The following ACVR1C variants were observed in gnomAD, a reference collection of about 807,000 sequenced individuals.
ACVR1C encodes activin receptor type-1C.
Under a neutral mutation model 57.9 loss-of-function variants are expected in ACVR1C, and 23 were observed. The observed-to-expected ratio is 0.40, with a 90% CI of 0.29 to 0.56. The LOEUF (loss-of-function observed/expected upper bound fraction) is 0.56, where lower values mean the gene tolerates loss of function less well. Among genes scored for constraint, ACVR1C ranks in the 20% least tolerant of loss-of-function variants. The pLI, the probability that ACVR1C is intolerant of heterozygous loss-of-function variation, is 0.50. For synonymous variants in ACVR1C, 214 were observed against 215.3 expected, an observed-to-expected ratio of 0.99 and a Z score of 0.05; for missense variants, 480 against 607.9, an observed-to-expected ratio of 0.79 and a Z score of 2.21.
At chr2:157,594,896 C>A (rs1298700707) in intron 1 of ACVR1C, among the ~76,000 whole-genome samples, 1 of 152,180 alleles carries the variant, frequency 6.6e-6, no homozygotes, top group African/African-American at 2.4e-5. Flanking sequence ...TTACTTACTG[C>A]CTCAAAATTT....
At chr2:157,604,937 C>G (rs1437191382) in intron 1 of ACVR1C, among the ~76,000 whole-genome samples, 3 of 151,784 alleles carry the variant, frequency 2.0e-5, no homozygotes, top group Non-Finnish European at 4.4e-5. Context: ...TTTTACAGAT[C>G]ATGCTTTTAG....
intron 1 of ACVR1C, among the ~76,000 whole-genome samples, chr2:157,601,805 C>A (rs1273893030): frequency 6.6e-6 from 1 of 152,044 alleles, no homozygotes; most frequent in East Asian, 1.9e-4. Flanking sequence ...TCTGTCCATG[C>A]ACTGATGAAG....
intron 8 of ACVR1C, among the ~76,000 whole-genome samples, chr2:157,535,013 C>T (rs1337095065): frequency 6.6e-6 from 1 of 151,958 alleles, no homozygotes; most frequent in Non-Finnish European, 1.5e-5. Flanking sequence ...AAAAACTTAG[C>T]CAGGCATGGT....
chr2:157,588,184 T>C (rs1688972201), intron 1 of ACVR1C, among the ~76,000 whole-genome samples: 1 of 151,564 alleles, frequency 6.6e-6, no homozygotes, highest in Non-Finnish European at 1.5e-5. Context: ...AAATTACACT[T>C]TGTTAAACTA....
In ACVR1C at chr2:157,527,235, A is replaced by G. The variant is rs951719305; in HGVS notation, c.*6683T>C. ...CATCTACATATTTTTGATACAGTTT[A>G]TTGCCCAATTCCTATTTTAAAACCT... On this transcript the variant is annotated 3_prime_UTR_variant, in exon 9 of 9. Transcript: ENST00000243349. 6.6e-6 allele frequency: 1 copy of G among 152,164 alleles called. No homozygotes were observed. Among genetic ancestry groups the G allele is most frequent in the Non-Finnish European group, 1.5e-5 (1 of 68,008 alleles). The allele number at this position is 152,164 out of a possible 1,614,324, so 9.4% of individuals were successfully genotyped here. A position where few individuals can be genotyped will look rare whatever the true frequency, so the allele number is the denominator to read the frequency against.
chr2:157,576,895 C>T (rs543550960), intron 2 of ACVR1C, among the ~76,000 whole-genome samples: 651 of 39,332 alleles, frequency 0.017, 162 homozygotes, highest in African/African-American at 0.078. Context: ...TCGCCCAGGC[C>T]GGACTGCGGA....
chr2:157,544,730 G>A, intron 4 of ACVR1C, 118 bp from the exon 5 acceptor site: 1 of 794,542 alleles, frequency 1.3e-6, no homozygotes, highest in South Asian at 2.2e-5. Flanking sequence ...TTGCTTCAGT[G>A]GTAATGCTTA....
intron 1 of ACVR1C, among the ~76,000 whole-genome samples, chr2:157,627,350 C>G (rs918263442): frequency 1.3e-5 from 2 of 152,198 alleles, no homozygotes; most frequent in African/African-American, 4.8e-5. Context: ...AAATATTTCA[C>G]TTTATCCCAT....
At chr2:157,602,717 T>C (rs1371536133) in intron 1 of ACVR1C, among the ~76,000 whole-genome samples, 2 of 152,142 alleles carry the variant, frequency 1.3e-5, no homozygotes, top group Non-Finnish European at 2.9e-5. Context: ...ATATGAAAAG[T>C]AAAATAATTA....
chr2:157,605,393 T>A (rs1396334510), intron 1 of ACVR1C, among the ~76,000 whole-genome samples: 4 of 151,748 alleles, frequency 2.6e-5, no homozygotes, highest in Non-Finnish European at 5.9e-5. Context: ...CCCTATAAAT[T>A]TTAGAATCAC....
intron 1 of ACVR1C, among the ~76,000 whole-genome samples, chr2:157,592,215 A>G (rs768606283): frequency 2.0e-5 from 3 of 152,000 alleles, no homozygotes; most frequent in Non-Finnish European, 4.4e-5. Context: ...AGCTTTATCT[A>G]AATTCTGTAT....
chr2:157,591,998 A>G (rs1473789696), intron 1 of ACVR1C, among the ~76,000 whole-genome samples: 1 of 152,122 alleles, frequency 6.6e-6, no homozygotes, highest in African/African-American at 2.4e-5. Flanking sequence ...AATTGTGAAT[A>G]AAATAGAATT....
intron 6 of ACVR1C, 103 bp downstream of exon 6, chr2:157,542,603 G>A: frequency 6.8e-6 from 9 of 1,328,624 alleles, no homozygotes; most frequent in Middle Eastern, 3.8e-4. Context: ...CTTGGGCCCA[G>A]TGGTTTCCTA....
At chr2:157,597,089 G>A (rs1252945489) in intron 1 of ACVR1C, among the ~76,000 whole-genome samples, 1 of 152,092 alleles carries the variant, frequency 6.6e-6, no homozygotes, top group Non-Finnish European at 1.5e-5. Context: ...TTCGGAGGAC[G>A]AGTCCCAGCC....
At chr2:157,614,267 A>G (rs1316617360) in intron 1 of ACVR1C, among the ~76,000 whole-genome samples, 1 of 152,168 alleles carries the variant, frequency 6.6e-6, no homozygotes, top group Non-Finnish European at 1.5e-5. Flanking sequence ...AATCTAGCTA[A>G]GGTGAACCAC....
At chr2:157,588,087 T>A (rs943257604) in intron 1 of ACVR1C, among the ~76,000 whole-genome samples, 1 of 152,010 alleles carries the variant, frequency 6.6e-6, no homozygotes, top group Admixed American at 6.6e-5. Flanking sequence ...GACCTTCAGG[T>A]AATTTTCTTT....
At chr2:157,606,327 T>TA (rs1682395933) in intron 1 of ACVR1C, among the ~76,000 whole-genome samples, 1 of 151,924 alleles carries the variant, frequency 6.6e-6, no homozygotes, top group African/African-American at 2.4e-5. Flanking sequence ...AGTAGTGGGA[T>TA]TGCTGGATTG....
chr2:157,619,935 G>A (rs1375775995), intron 1 of ACVR1C, among the ~76,000 whole-genome samples: 1 of 151,860 alleles, frequency 6.6e-6, no homozygotes, highest in Non-Finnish European at 1.5e-5. Context: ...AATATTAAAA[G>A]GATAATAAGG....
intron 4 of ACVR1C, among the ~76,000 whole-genome samples, chr2:157,546,230 T>C (rs1687751838): frequency 6.6e-6 from 1 of 152,210 alleles, no homozygotes; most frequent in Non-Finnish European, 1.5e-5. Flanking sequence ...AAAGAAAACA[T>C]TCTTAACAGC....
Sources: allele counts gnomAD v4.1 joint callset (sites outside exome capture counted in the v4.1 genomes callset), GRCh38; gene constraint gnomAD v4.1.1; transcripts MANE v1.5; gene names NCBI Gene and HGNC (gene_info 2026-07-23, HGNC 2026-07-21).